The following KLHDC2 variants were observed in gnomAD, a reference collection of about 807,000 sequenced individuals.
KLHDC2 encodes the protein kelch domain-containing protein 2.
A neutral mutation model predicts 62.3 loss-of-function variants in KLHDC2; 38 were observed. The observed-to-expected ratio is 0.61, with a 90% CI of 0.47 to 0.80. KLHDC2 has a LOEUF of 0.80. KLHDC2 is among the 30% of genes least tolerant of loss of function. The pLI, the probability that KLHDC2 is intolerant of heterozygous loss-of-function variation, is 0.00. For missense variants in KLHDC2, 430 were observed against 495.3 expected (o/e 0.87, Z 1.25); for synonymous variants, 159 against 161.0 (o/e 0.99, Z 0.09).
chr14:49,772,857 G>A (rs1387399565), intron 2 of KLHDC2, among the ~76,000 whole-genome samples: 1 of 152,208 alleles, frequency 6.6e-6, no homozygotes, highest in Non-Finnish European at 1.5e-5. Flanking sequence ...TAGGGAGGCT[G>A]AGGCAGGAGA....
chr14:49,774,463 A>C lies in KLHDC2; in HGVS notation c.234-98A>C, dbSNP rs1323064156. 10 of 785,788 alleles carry C rather than the reference A, an allele frequency of 1.3e-5. No individual in the cohort carries two copies. In the Admixed American group the frequency reaches 1.9e-4, roughly 15 times the overall value. The allele number at this position is 785,788 out of a possible 1,614,324, so 48.7% of individuals were successfully genotyped here. A position where few individuals can be genotyped will look rare whatever the true frequency, so the allele number is the denominator to read the frequency against. ...ACTGTCTACTCTGCCTTCTCATTTTATTCCTTTATTGTGAGGATATAAGTA... is the reference window on the plus strand; with the variant it reads ...ACTGTCTACTCTGCCTTCTCATTTTCTTCCTTTATTGTGAGGATATAAGTA... On this transcript the variant is annotated intron_variant, in intron 2 of 12. Transcript: ENST00000298307.
At chr14:49,782,647 A>G in intron 12 of KLHDC2, 53 bp downstream of exon 12, 1 of 1,468,106 alleles carries the variant, frequency 6.8e-7, no homozygotes, top group Non-Finnish European at 9.3e-7. Context: ...GTTTCCTAAG[A>G]CTTAGCACTC....
At chr14:49,774,917 C>G (rs890842031) in intron 3 of KLHDC2, 10 of 450,816 alleles carry the variant, frequency 2.2e-5, no homozygotes, top group Non-Finnish European at 3.9e-5. Context: ...GGTGGTTTTT[C>G]TTTGTGCTTT....
chr14:49,780,249 GCACT>G lies in KLHDC2; in HGVS notation c.815_818del (p.Ser272Ter). 6.2e-7 allele frequency: 1 copy of G among 1,613,502 alleles called. No homozygotes were observed. The highest frequency in any genetic ancestry group is 8.5e-7 in the Non-Finnish European group (1 of 1,179,536). On this transcript the variant is annotated frameshift_variant, in exon 9 of 13. Coordinates refer to ENST00000298307, the MANE Select transcript of KLHDC2 (RefSeq NM_014315.3). LOFTEE classifies it high-confidence loss of function. The stretch of plus-strand genomic sequence containing the variant: ...GCATATGCCCAGTTGGTCGATCTTG[GCACT>G]CACTAACACCAGTTTCTTCAGATCA...
intron 10 of KLHDC2, among the ~76,000 whole-genome samples, chr14:49,781,847 T>C (rs61984599): frequency 0.17 from 26,443 of 152,190 alleles, 2,560 homozygotes; most frequent in Non-Finnish European, 0.21. Flanking sequence ...AACAAAATGC[T>C]AAAGGAAATG....
At position 49,782,382 on chromosome 14, in the gene KLHDC2, A is replaced by C. The variant is rs916084297; in HGVS notation, c.969A>C (p.Thr323=). Residue 323 remains threonine, a synonymous_variant, in exon 11 of 13, where the codon ACA becomes ACC. Coordinates refer to ENST00000298307, the MANE Select transcript of KLHDC2 (RefSeq NM_014315.3). ...PYTEKPRLWH[T]ACASDEGEVI... ...GTTTTAAATGCAGGTTATGGCACACAGCTTGTGCCAGCGATGAAGGAGAAG... is the reference window on the plus strand; with the variant it reads ...GTTTTAAATGCAGGTTATGGCACACCGCTTGTGCCAGCGATGAAGGAGAAG... 7.4e-6 allele frequency: 12 copies of C among 1,611,096 alleles called. No homozygotes were observed. Among genetic ancestry groups the C allele is most frequent in the Middle Eastern group, 1.6e-4 (1 of 6,080 alleles).
At chr14:49,772,121 G>T (rs1889677504) in intron 2 of KLHDC2, among the ~76,000 whole-genome samples, 1 of 151,986 alleles carries the variant, frequency 6.6e-6, no homozygotes, top group South Asian at 2.1e-4. Flanking sequence ...CTGTTCTGTA[G>T]TTACTAGATA....
intron 2 of KLHDC2, 67 bp from the exon 3 acceptor site, chr14:49,774,494 A>C (rs1021137761): frequency 1.0e-6 from 1 of 992,760 alleles, no homozygotes; most frequent in Non-Finnish European, 1.6e-6. Context: ...AAGTAGAAGA[A>C]GAAAAATTAA....
At chr14:49,773,957 T>C (rs1468157201) in intron 2 of KLHDC2, among the ~76,000 whole-genome samples, 1 of 152,226 alleles carries the variant, frequency 6.6e-6, no homozygotes, top group African/African-American at 2.4e-5. Context: ...CTGACAGTTT[T>C]AGCAGAAGAC....
Position 49,784,884 on chromosome 14 carries a change from A to G in KLHDC2, c.*1931A>G. 2 of 1,530,106 alleles carry G rather than the reference A, an allele frequency of 1.3e-6. No individual in the cohort carries two copies. The highest frequency in any genetic ancestry group is 1.8e-6 in the Non-Finnish European group (2 of 1,106,500). The allele number at this position is 1,530,106 out of a possible 1,614,324, so 94.8% of individuals were successfully genotyped here. A position where few individuals can be genotyped will look rare whatever the true frequency, so the allele number is the denominator to read the frequency against. On this transcript the variant is annotated 3_prime_UTR_variant, in exon 13 of 13. Transcript: ENST00000298307. ...AAAAACTGCTAACATTTTAAATTGTACTGTCAGTCTCCACATTCCTTTTCT... is the reference window on the plus strand; with the variant it reads ...AAAAACTGCTAACATTTTAAATTGTGCTGTCAGTCTCCACATTCCTTTTCT...
intron 1 of KLHDC2, among the ~76,000 whole-genome samples, chr14:49,770,726 A>T (rs1889646167): frequency 6.6e-6 from 1 of 152,230 alleles, no homozygotes; most frequent in African/African-American, 2.4e-5. Context: ...AAATAAAGCA[A>T]TCCATGGATA....
In KLHDC2 at chr14:49,785,481, A is replaced by AAG; in HGVS notation, c.*2531_*2532dup. ...ACTTAAACTCTGCTTCATAGTTCCA[A>AAG]AGAGTTGAAGACCAATGTTTAAATA... On this transcript the variant is annotated 3_prime_UTR_variant, in exon 13 of 13. Coordinates refer to ENST00000298307, the MANE Select transcript of KLHDC2 (RefSeq NM_014315.3). The AAG allele has an allele frequency of 1.7e-6, 1 of 598,184 alleles. No individual in the cohort carries two copies. The highest frequency in any genetic ancestry group is 3.0e-6 in the Non-Finnish European group (1 of 333,280). 37.1% of individuals were successfully genotyped at this position (598,184 alleles called of 1,614,324 possible).
chr14:49,782,099 T>C lies in KLHDC2; in HGVS notation c.957-271T>C, dbSNP rs1889930073. 2.1e-5 allele frequency: 8 copies of C among 387,446 alleles called. No homozygotes were observed. The East Asian group carries it at 3.3e-4, about 16-fold the overall frequency. The allele number at this position is 387,446 out of a possible 1,614,324, so 24.0% of individuals were successfully genotyped here. The stretch of plus-strand genomic sequence containing the variant: ...CTACTCAGCTCCCATACGATTTTTA[T>C]TGCTAACAAAGACCTAGAGAACAGA... On this transcript the variant is annotated intron_variant, in intron 10 of 12. Transcript: ENST00000298307.
intron 1 of KLHDC2, among the ~76,000 whole-genome samples, chr14:49,769,300 G>A (rs891047657): frequency 5.3e-5 from 8 of 152,138 alleles, no homozygotes; most frequent in African/African-American, 1.9e-4. Flanking sequence ...TATAAACAAC[G>A]TGATTAGTTA....
intron 1 of KLHDC2, among the ~76,000 whole-genome samples, chr14:49,769,363 AT>A (rs1258762882): frequency 1.3e-5 from 2 of 152,158 alleles, no homozygotes; most frequent in Admixed American, 6.5e-5. Context: ...GAAATCTAGA[AT>A]TTTATTTGCT....
chr14:49,778,009 C>A, intron 4 of KLHDC2, 55 bp downstream of exon 4: 1 of 1,122,406 alleles, frequency 8.9e-7, no homozygotes, highest in South Asian at 1.3e-5. Flanking sequence ...GTTTACCATT[C>A]AGGTATCCTT....
chr14:49,777,381 C>T (rs1889793927), intron 3 of KLHDC2, among the ~76,000 whole-genome samples: 1 of 151,948 alleles, frequency 6.6e-6, no homozygotes, highest in African/African-American at 2.4e-5. Flanking sequence ...ACCACCTGTT[C>T]CCCCAAAACC....
rs754288697 is a variant in KLHDC2 at position 49,782,518 on chromosome 14, G to C, written c.1045-24G>C. 2.5e-6 allele frequency: 4 copies of C among 1,601,934 alleles called. No individual in the cohort carries two copies. The African/African-American group carries it at 5.4e-5, about 21-fold the overall frequency. On this transcript the variant is annotated intron_variant, in intron 11 of 12. Coordinates refer to ENST00000298307, the MANE Select transcript of KLHDC2 (RefSeq NM_014315.3). ...ACTTGCAAAGCATTTGCTTTTAAAT[G>C]TGTTCTTCCTATTTATTTTTCAGGC... is the stretch of plus-strand genomic sequence containing the variant.
At chr14:49,773,307 G>A (rs925417108) in intron 2 of KLHDC2, among the ~76,000 whole-genome samples, 8 of 150,828 alleles carry the variant, frequency 5.3e-5, no homozygotes, top group South Asian at 2.1e-4. Flanking sequence ...CCAGCTACTC[G>A]GGAGGCTGAG....
Sources: allele counts gnomAD v4.1 joint callset (sites outside exome capture counted in the v4.1 genomes callset), GRCh38; gene constraint gnomAD v4.1.1; transcripts MANE v1.5; gene names NCBI Gene and HGNC (gene_info 2026-07-23, HGNC 2026-07-21).